Variants in EGR2 observed in about 807,000 individuals in gnomAD.
EGR2 encodes E3 SUMO-protein ligase EGR2.
Under a neutral mutation model 21.2 loss-of-function variants are expected in EGR2, and 2 were observed. The ratio of observed to expected loss-of-function variants is 0.09; its 90% CI spans 0.04 to 0.30. The LOEUF (loss-of-function observed/expected upper bound fraction) is 0.30. Ranked by LOEUF, EGR2 falls within the 10% of genes least tolerant of loss-of-function variation. The probability of loss-of-function intolerance (pLI) is 1.00; values close to 1 mark genes in which losing one functional copy is unlikely to be tolerated. For synonymous variants in EGR2, 282 were observed against 258.2 expected, an observed-to-expected ratio of 1.09 and a Z score of -0.88; for missense variants, 458 against 630.2, an observed-to-expected ratio of 0.73 and a Z score of 2.93.
upstream of EGR2, chr10:62,818,481 C>A: frequency 9.7e-7 from 1 of 1,035,912 alleles, no homozygotes; most frequent in Non-Finnish European, 1.2e-6. Flanking sequence ...TGTGCAAAGT[C>A]CTATTTCTCA....
rs375890313 is a variant in EGR2, at chr10:62,813,795, G to A, written c.843C>T (p.Thr281=). 119 of 1,613,342 alleles carry A rather than the reference G, an allele frequency of 7.4e-5. 1 individual carries two copies. The highest frequency in any genetic ancestry group is 9.7e-5 in the Non-Finnish European group (114 of 1,179,654). The change falls in exon 2 of 2, where the codon ACC becomes ACT. Residue 281 remains threonine (T), a synonymous_variant. Coordinates refer to ENST00000242480, the MANE Select transcript of EGR2 (RefSeq NM_000399.5). This position sits in a 1 kb window ranked among gnomAD's most constrained non-coding sequence, Gnocchi z 5.7. Reference sequence around the variant, plus strand: ...CGCTGCCTCCACTGGCCCCTGGTCCGGTCACCCCAGCACTGGGGCCCCCCA... The same window carrying A: ...CGCTGCCTCCACTGGCCCCTGGTCCAGTCACCCCAGCACTGGGGCCCCCCA... ...FTLGGPSAGV[T]GPGASGGSEG...
At position 62,816,193 on chromosome 10, in the gene EGR2, A is replaced by G; in HGVS notation, c.-164T>C. 1 of 1,517,598 alleles carries G rather than the reference A, an allele frequency of 6.6e-7. No individual in the cohort carries two copies. Among genetic ancestry groups the G allele is most frequent in the Non-Finnish European group, 8.8e-7 (1 of 1,135,534 alleles). The allele number at this position is 1,517,598 out of a possible 1,614,324, so 94.0% of individuals were successfully genotyped here. On this transcript the variant is annotated 5_prime_UTR_variant, in exon 1 of 2. Transcript: ENST00000242480. ...CAAGAAAAAAAAATCAACAGAAATA[A>G]AAGTAGCAAACAAGTTGCTGTTTTT...
At position 62,816,206 on chromosome 10, in the gene EGR2, A is replaced by AGTTGCT; in HGVS notation, c.-183_-178dup. ...TCAACAGAAATAAAAGTAGCAAACA[A>AGTTGCT]GTTGCTGTTTTTTAAGAAATAAGAA... On this transcript the variant is annotated 5_prime_UTR_variant, in exon 1 of 2. Coordinates refer to ENST00000242480, the MANE Select transcript of EGR2 (RefSeq NM_000399.5). 1 of 1,497,324 alleles carries AGTTGCT rather than the reference A, an allele frequency of 6.7e-7. No homozygotes were observed. The allele number at this position is 1,497,324 out of a possible 1,614,324, so 92.8% of individuals were successfully genotyped here.
At position 62,816,328 on chromosome 10, in the gene EGR2, C is replaced by T. The variant is rs1842269401; in HGVS notation, c.-299G>A. 2 of 1,273,634 alleles carry T rather than the reference C, an allele frequency of 1.6e-6. No individual in the cohort carries two copies. The highest frequency in any genetic ancestry group is 2.0e-6 in the Non-Finnish European group (2 of 998,274). The allele number at this position is 1,273,634 out of a possible 1,614,324, so 78.9% of individuals were successfully genotyped here. A position where few individuals can be genotyped will look rare whatever the true frequency, so the allele number is the denominator to read the frequency against. ...GTGTTATTATAACAGTCAGTGAGTC[C>T]CCTCGCCGAGCTATTAATCAATTGC... On this transcript the variant is annotated 5_prime_UTR_variant, in exon 1 of 2. Transcript: ENST00000242480.
chr10:62,814,240 G>A lies in EGR2; in HGVS notation c.398C>T (p.Ser133Leu), dbSNP rs761182423. The change falls in exon 2 of 2, where the codon TCA (serine) becomes TTA (leucine). Residue 133 changes from serine (S) to leucine (L), a missense_variant. Physicochemically the swap from Ser to Leu is moderately radical, Grantham distance 145. Transcript: ENST00000242480. This position sits in a 1 kb window ranked among gnomAD's most constrained non-coding sequence, Gnocchi z 4.8. ...GVTSPASTTA[S>L]SSVTSASPNP... Reference sequence around the variant, plus strand: ...GGGGGAGGCAGAGGTGACGCTGGATGAGGCTGTGGTTGAAGCTGGGGAAGT... The same window carrying A: ...GGGGGAGGCAGAGGTGACGCTGGATAAGGCTGTGGTTGAAGCTGGGGAAGT... The A allele has an allele frequency of 1.9e-6, 3 of 1,614,180 alleles. No individual in the cohort carries two copies. Among genetic ancestry groups the A allele is most frequent in the Middle Eastern group, 1.6e-4 (1 of 6,062 alleles).
rs1243202484 is a variant in EGR2, at chr10:62,813,719, C to T, written c.919G>A (p.Ala307Thr). Residue 307 changes from alanine to threonine, a missense_variant, in exon 2 of 2, where the codon GCC becomes ACC. By Grantham distance (58) the Ala-to-Thr change is moderately conservative (BLOSUM62 0). Transcript: ENST00000242480. This position sits in a 1 kb window ranked among gnomAD's most constrained non-coding sequence, Gnocchi z 5.7. ...AGGTGGTGTGGGTTATAGGCGGCGG[C>T]GGCGGCGGCTGCTGCTGCTGCTGAG... ...SSSAAAAAAA[A>T]AAYNPHHLPL... 2 of 1,611,056 alleles carry T rather than the reference C, an allele frequency of 1.2e-6. No individual in the cohort carries two copies. The highest frequency in any genetic ancestry group is 1.7e-6 in the Non-Finnish European group (2 of 1,179,456).
At position 62,813,239 on chromosome 10, in the gene EGR2, C is replaced by T. The variant is rs146116229; in HGVS notation, c.1399G>A (p.Ala467Thr). 6 of 1,567,210 alleles carry T rather than the reference C, an allele frequency of 3.8e-6. No individual in the cohort carries two copies. Among genetic ancestry groups the T allele is most frequent in the African/African-American group, 1.4e-5 (1 of 73,794 alleles). ...GTCCGGGTCCGAGAGGAGCAAGGGG[C>T]GAGCGGCCCTCCGCCAAGACTGCTG... ...NSSSLGGGPL[A>T]PCSSRTRTP Residue 467 changes from alanine to threonine, a missense_variant, in exon 2 of 2, where the codon GCC (alanine) becomes ACC (threonine). Physicochemically the swap from Ala to Thr is moderately conservative, Grantham distance 58. This residue lies in a region of EGR2 where 69 missense variants were observed against 70.4 expected (regional missense o/e 0.98). Transcript: ENST00000242480. This position sits in a 1 kb window ranked among gnomAD's most constrained non-coding sequence, Gnocchi z 5.7.
rs751678552 is a variant in EGR2, at chr10:62,815,850, A to G, written c.169+11T>C. 6.2e-7 allele frequency: 1 copy of G among 1,613,912 alleles called. No individual in the cohort carries two copies. Among genetic ancestry groups the G allele is most frequent in the East Asian group, 2.2e-5 (1 of 44,884 alleles). On this transcript the variant is annotated intron_variant, in intron 1 of 1. Transcript: ENST00000242480. Reference sequence around the variant, plus strand: ...CGCGCAGGTCCGGGCCTGCGAAGACACGCGGCTTACCTCCGGCCACTCCGT... The same window carrying G: ...CGCGCAGGTCCGGGCCTGCGAAGACGCGCGGCTTACCTCCGGCCACTCCGT...
At position 62,813,313 on chromosome 10, in the gene EGR2, G is replaced by A. The variant is rs1484530202; in HGVS notation, c.1325C>T (p.Ser442Phe). ...SASVPAPSTA[S>F]CSGGVQPGGT... Reference sequence around the variant, plus strand: ...CCCAGGCTGCACGCCCCCAGAGCAGGAGGCTGTAGAGGGGGCTGGCACCGA... The same window carrying A: ...CCCAGGCTGCACGCCCCCAGAGCAGAAGGCTGTAGAGGGGGCTGGCACCGA... Residue 442 changes from serine (S) to phenylalanine (F), a missense_variant, in exon 2 of 2, where the codon TCC becomes TTC. Coordinates refer to ENST00000242480, the MANE Select transcript of EGR2 (RefSeq NM_000399.5). The surrounding 1 kb of genome is among the most constrained non-coding windows in gnomAD (Gnocchi z 5.7). 8.2e-6 allele frequency: 13 copies of A among 1,581,342 alleles called. No homozygotes were observed. The highest frequency in any genetic ancestry group is 1.1e-5 in the Non-Finnish European group (13 of 1,160,866).
rs571925432 is a variant in EGR2, at chr10:62,816,171, G to GA, written c.-143dup. On this transcript the variant is annotated 5_prime_UTR_variant, in exon 1 of 2. Coordinates refer to ENST00000242480, the MANE Select transcript of EGR2 (RefSeq NM_000399.5). ...TAAAAACAACCACCACACACACCAA[G>GA]AAAAAAAAATCAACAGAAATAAAAG... The GA allele has an allele frequency of 2.1e-4, 316 of 1,531,836 alleles. No individual in the cohort carries two copies. Among genetic ancestry groups the GA allele is most frequent in the African/African-American group, 1.4e-3 (97 of 71,334 alleles). The allele number at this position is 1,531,836 out of a possible 1,614,324, so 94.9% of individuals were successfully genotyped here. A position where few individuals can be genotyped will look rare whatever the true frequency, so the allele number is the denominator to read the frequency against.
chr10:62,815,004 G>T (rs1460096681), intron 1 of EGR2, among the ~76,000 whole-genome samples: 2 of 152,208 alleles, frequency 1.3e-5, no homozygotes, highest in Non-Finnish European at 2.9e-5. Flanking sequence ...TCCCTCTCCC[G>T]CTGCGCTTCA....
At chr10:62,818,552 G>T, upstream of EGR2, 1 of 1,264,998 alleles carries the variant, frequency 7.9e-7, no homozygotes, top group Non-Finnish European at 1.0e-6. Flanking sequence ...ACGTGCGCCA[G>T]CCCACTCCGC....
In EGR2 at chr10:62,813,269, T is replaced by C. The variant is rs748686483; in HGVS notation, c.1369A>G (p.Asn457Asp). The change falls in exon 2 of 2, where the codon AAC becomes GAC. Residue 457 changes from asparagine to aspartate, a missense_variant. By Grantham distance (23) the Asn-to-Asp change is conservative. Transcript: ENST00000242480. This position sits in a 1 kb window ranked among gnomAD's most constrained non-coding sequence, Gnocchi z 5.7. Reference protein sequence around the residue: ...VQPGGTLCSSNSSSLGGGPLA... With the variant: ...VQPGGTLCSSDSSSLGGGPLA... ...GGCCCTCCGCCAAGACTGCTGCTGT[T>C]ACTGCTGCACAGGGTACCCCCAGGC... The C allele has an allele frequency of 6.4e-7, 1 of 1,567,618 alleles. No homozygotes were observed. The highest frequency in any genetic ancestry group is 1.2e-5 in the South Asian group (1 of 82,414).
upstream of EGR2, among the ~76,000 whole-genome samples, chr10:62,817,441 C>T (rs929441226): frequency 2.0e-5 from 3 of 152,146 alleles, no homozygotes; most frequent in Non-Finnish European, 2.9e-5. This position sits in a 1 kb window ranked among gnomAD's most constrained non-coding sequence, Gnocchi z 4.4. Context: ...AGTGTCCCGG[C>T]GGCAGAGCGG....
At chr10:62,815,346 AG>A (rs941146856) in intron 1 of EGR2, among the ~76,000 whole-genome samples, 43 of 152,184 alleles carry the variant, frequency 2.8e-4, no homozygotes, top group Middle Eastern at 3.4e-3. Context: ...GGCGGCGGGC[AG>A]GTGGGGGCGC....
Position 62,813,042 on chromosome 10 carries a change from G to T in EGR2, c.*165C>A, listed in dbSNP as rs938630228. On this transcript the variant is annotated 3_prime_UTR_variant, in exon 2 of 2. Transcript: ENST00000242480. The surrounding 1 kb of genome is among the most constrained non-coding windows in gnomAD (Gnocchi z 5.7). ...ACTAGAATGGGCTAAGTTTTAGGAA[G>T]AACCTGCTTCTAGGTGGAAAGGGGG... 12 of 751,688 alleles carry T rather than the reference G, an allele frequency of 1.6e-5. No individual in the cohort carries two copies. Among genetic ancestry groups the T allele is most frequent in the African/African-American group, 1.0e-4 (6 of 57,396 alleles). 46.6% of individuals were successfully genotyped at this position (751,688 alleles called of 1,614,324 possible).
In EGR2 at chr10:62,816,345, A is replaced by C; in HGVS notation, c.-316T>G. The C allele has an allele frequency of 2.4e-6, 3 of 1,251,376 alleles. No homozygotes were observed. The South Asian group carries it at 4.7e-5, about 20-fold the overall frequency. The allele number at this position is 1,251,376 out of a possible 1,614,324, so 77.5% of individuals were successfully genotyped here. A position where few individuals can be genotyped will look rare whatever the true frequency, so the allele number is the denominator to read the frequency against. On this transcript the variant is annotated 5_prime_UTR_variant, in exon 1 of 2. Transcript: ENST00000242480. ...AGTGAGTCCCCTCGCCGAGCTATTA[A>C]TCAATTGCTCCTCGCTCAGTTAGAC...
In EGR2 at chr10:62,816,191, TA is replaced by T; in HGVS notation, c.-163del. On this transcript the variant is annotated 5_prime_UTR_variant, in exon 1 of 2. Coordinates refer to ENST00000242480, the MANE Select transcript of EGR2 (RefSeq NM_000399.5). Reference sequence around the variant, plus strand: ...ACCAAGAAAAAAAAATCAACAGAAATAAAAGTAGCAAACAAGTTGCTGTTTT... The same window carrying T: ...ACCAAGAAAAAAAAATCAACAGAAATAAAGTAGCAAACAAGTTGCTGTTTT... 6.6e-7 allele frequency: 1 copy of T among 1,521,342 alleles called. No homozygotes were observed. The highest frequency in any genetic ancestry group is 8.8e-7 in the Non-Finnish European group (1 of 1,137,498). 94.2% of individuals were successfully genotyped at this position (1,521,342 alleles called of 1,614,324 possible).
At chr10:62,817,328 C>T (rs1838275713), upstream of EGR2, among the ~76,000 whole-genome samples, 1 of 152,152 alleles carries the variant, frequency 6.6e-6, no homozygotes, top group Non-Finnish European at 1.5e-5. The surrounding 1 kb of genome is among the most constrained non-coding windows in gnomAD (Gnocchi z 4.4). Context: ...CGCTCCACTT[C>T]CGCTACACAC....
Sources: allele counts gnomAD v4.1 joint callset (sites outside exome capture counted in the v4.1 genomes callset), GRCh38; gene constraint gnomAD v4.1.1; regional missense constraint gnomAD v4.1.1; non-coding constraint Gnocchi (gnomAD v3.1); transcripts MANE v1.5; gene names NCBI Gene and HGNC (gene_info 2026-07-23, HGNC 2026-07-21).